The following CREM variants were observed in gnomAD, a reference collection of about 807,000 sequenced individuals.
The protein encoded by CREM is cAMP responsive element modulator.
A neutral mutation model predicts 37.3 loss-of-function variants in CREM; 13 were observed. The ratio of observed to expected loss-of-function variants is 0.35; its 90% CI spans 0.23 to 0.55. The LOEUF is 0.55. Ranked by LOEUF, CREM falls within the 20% of genes least tolerant of loss-of-function variation. CREM has a pLI of 0.88. For synonymous variants in CREM, 124 were observed against 120.2 expected (o/e 1.03, Z -0.21); for missense variants, 296 against 362.3 (o/e 0.82, Z 1.49).
At chr10:35,197,869 A>G (rs1564962765) in intron 6 of CREM, among the ~76,000 whole-genome samples, 2 of 152,154 alleles carry the variant, frequency 1.3e-5, no homozygotes, top group Non-Finnish European at 2.9e-5. Flanking sequence ...TTCTGAGGTA[A>G]CCCTATGGAT....
intron 5 of CREM, among the ~76,000 whole-genome samples, chr10:35,187,194 A>T (rs1399304673): frequency 1.3e-5 from 1 of 75,336 alleles, no homozygotes; most frequent in East Asian, 4.0e-4. Context: ...TAAATATATT[A>T]ATATATAATA....
intron 5 of CREM, among the ~76,000 whole-genome samples, chr10:35,183,396 T>C (rs2094433917): frequency 1.3e-5 from 2 of 152,236 alleles, no homozygotes; most frequent in African/African-American, 4.8e-5. Flanking sequence ...GTTAATCCAG[T>C]TGCAGTTCTT....
chr10:35,157,651 A>G (rs182436073), intron 3 of CREM, among the ~76,000 whole-genome samples: 1 of 152,020 alleles, frequency 6.6e-6, no homozygotes, highest in East Asian at 1.9e-4. Context: ...AAAAAAAAAA[A>G]AAAAAGTCAC....
intron 1 of CREM, among the ~76,000 whole-genome samples, chr10:35,135,818 TA>T (rs1356450129): frequency 1.3e-5 from 2 of 149,730 alleles, no homozygotes; most frequent in African/African-American, 4.9e-5. Flanking sequence ...AGCATGAAAG[TA>T]ATGTCATAAA....
chr10:35,140,502 C>T (rs938377428), intron 2 of CREM, among the ~76,000 whole-genome samples: 2 of 152,122 alleles, frequency 1.3e-5, no homozygotes, highest in Admixed American at 6.6e-5. Context: ...GACAGTTGCA[C>T]AGTCTTCCAG....
intron 6 of CREM, among the ~76,000 whole-genome samples, chr10:35,202,382 T>G (rs1462088341): frequency 6.6e-6 from 1 of 152,212 alleles, no homozygotes; most frequent in African/African-American, 2.4e-5. Context: ...AAATTAAAAC[T>G]TGTGACATTT....
At chr10:35,195,211 A>G in intron 6 of CREM, 1 of 1,614,054 alleles carries the variant, frequency 6.2e-7, no homozygotes, top group East Asian at 2.2e-5. Context: ...TGGAGATGAC[A>G]CAGGTAAGAA....
intron 3 of CREM, among the ~76,000 whole-genome samples, chr10:35,162,652 C>T (rs2093354163): frequency 6.6e-6 from 1 of 152,092 alleles, no homozygotes; most frequent in Non-Finnish European, 1.5e-5. Flanking sequence ...CAGTATGAGA[C>T]ACCCTCTCTA....
chr10:35,202,359 A>G (rs1469817745), intron 6 of CREM, among the ~76,000 whole-genome samples: 2 of 152,230 alleles, frequency 1.3e-5, no homozygotes, highest in Non-Finnish European at 2.9e-5. Flanking sequence ...AATACTTTTT[A>G]TAACTTGTTT....
chr10:35,177,065 C>A (rs1363769120), intron 3 of CREM, among the ~76,000 whole-genome samples: 2 of 147,668 alleles, frequency 1.4e-5, no homozygotes, highest in Non-Finnish European at 3.0e-5. Context: ...ATTATTTGAA[C>A]CTAATTGATG....
chr10:35,131,496 A>G (rs1246375166), intron 1 of CREM, among the ~76,000 whole-genome samples: 1 of 152,202 alleles, frequency 6.6e-6, no homozygotes, highest in African/African-American at 2.4e-5. Context: ...TGGAATTTAT[A>G]TCTTAGCACT....
chr10:35,210,287 A>G (rs1017560859), intron 7 of CREM: 1 of 152,208 alleles, frequency 6.6e-6, no homozygotes, highest in African/African-American at 2.4e-5. Context: ...GGTGTCTTCT[A>G]CATAGGAGTT....
At chr10:35,176,085 T>A in intron 3 of CREM, 2 of 1,472,956 alleles carry the variant, frequency 1.4e-6, no homozygotes, top group Non-Finnish European at 1.8e-6. Context: ...CATTTTTCTT[T>A]ATGAAGTGCT....
chr10:35,130,930 T>G (rs936894186), intron 1 of CREM, among the ~76,000 whole-genome samples: 3 of 152,236 alleles, frequency 2.0e-5, no homozygotes, highest in African/African-American at 7.2e-5. Flanking sequence ...ATTTGCACAT[T>G]TCATGACAGG....
intron 2 of CREM, among the ~76,000 whole-genome samples, chr10:35,146,978 A>G (rs1037526965): frequency 2.7e-5 from 4 of 150,620 alleles, no homozygotes; most frequent in African/African-American, 9.8e-5. Flanking sequence ...AAAAAGAAAC[A>G]TTGTATTATT....
chr10:35,154,108 C>T (rs1186436717), intron 3 of CREM: 3 of 398,440 alleles, frequency 7.5e-6, no homozygotes, highest in Non-Finnish European at 1.3e-5. Flanking sequence ...CCTGGCATGC[C>T]ATCGGGGATT....
At chr10:35,151,364 C>T (rs1182402820) in intron 3 of CREM, among the ~76,000 whole-genome samples, 11 of 151,620 alleles carry the variant, frequency 7.3e-5, no homozygotes, top group African/African-American at 9.7e-5. Context: ...TGTTTTGTTT[C>T]GTTTTGTTTT....
At chr10:35,190,668 A>C (rs1202566119) in intron 6 of CREM, among the ~76,000 whole-genome samples, 1 of 151,608 alleles carries the variant, frequency 6.6e-6, no homozygotes, top group Admixed American at 6.6e-5. Context: ...AGACTGCATT[A>C]ATTTTTTTTT....
Position 35,187,902 on chromosome 10 carries a change from T to C in CREM, c.410-298T>C, listed in dbSNP as rs1302064019. ...GGAAGCTGGACTCTCCCTGTCTCCTTCTCCACTCTTCCTCTTGAGTGATGT... is the reference window on the plus strand; with the variant it reads ...GGAAGCTGGACTCTCCCTGTCTCCTCCTCCACTCTTCCTCTTGAGTGATGT... On this transcript the variant is annotated intron_variant, in intron 5 of 7. Coordinates refer to ENST00000685392, the MANE Select transcript of CREM (RefSeq NM_183011.2). Among the ~76,000 whole-genome samples the C allele has an allele frequency of 2.0e-5, 3 of 152,346 alleles. No individual in the cohort carries two copies. The East Asian group carries it at 5.8e-4, about 29-fold the overall frequency.
Sources: allele counts gnomAD v4.1 joint callset (sites outside exome capture counted in the v4.1 genomes callset), GRCh38; gene constraint gnomAD v4.1.1; transcripts MANE v1.5; gene names NCBI Gene and HGNC (gene_info 2026-07-23, HGNC 2026-07-21).